The following STX8 variants were observed in gnomAD, a reference collection of about 807,000 sequenced individuals.
STX8 encodes the protein syntaxin-8.
A neutral mutation model predicts 37.5 loss-of-function variants in STX8; 23 were observed. The observed-to-expected ratio is 0.61, with a 90% CI of 0.44 to 0.87. The LOEUF (loss-of-function observed/expected upper bound fraction) is 0.87. Among genes scored for constraint, STX8 ranks in the 40% least tolerant of loss-of-function variants. STX8 has a pLI of 0.00. For missense variants in STX8, 313 were observed against 284.7 expected (o/e 1.10, Z -0.71); for synonymous variants, 115 against 99.1 (o/e 1.16, Z -0.95).
At chr17:9,327,220 GGAA>G (rs1414706843) in intron 7 of STX8, among the ~76,000 whole-genome samples, 2,002 of 149,162 alleles carry the variant, frequency 0.013, 32 homozygotes, top group African/African-American at 0.034. Context: ...GGAAGAAGGA[GGAA>G]GAAGGAGGAA....
chr17:9,459,594 C>T (rs1905291188), intron 6 of STX8, among the ~76,000 whole-genome samples: 1 of 152,194 alleles, frequency 6.6e-6, no homozygotes, highest in South Asian at 2.1e-4. Flanking sequence ...CGGCTCACTG[C>T]AAGCTCTGTC....
chr17:9,267,996 G>A (rs199694994), intron 7 of STX8, among the ~76,000 whole-genome samples: 4,123 of 118,670 alleles, frequency 0.035, no homozygotes, highest in Non-Finnish European at 0.039. Flanking sequence ...TGCCTAAAAA[G>A]AAAAAAAAAA....
chr17:9,348,834 C>T (rs1910612470), intron 7 of STX8, among the ~76,000 whole-genome samples: 1 of 152,194 alleles, frequency 6.6e-6, no homozygotes, highest in Non-Finnish European at 1.5e-5. Flanking sequence ...GGTTTGGCTT[C>T]CTACCTTCCT....
chr17:9,266,727 G>A (rs551704596), intron 7 of STX8, among the ~76,000 whole-genome samples: 131 of 152,242 alleles, frequency 8.6e-4, no homozygotes, highest in Non-Finnish European at 1.4e-3. Flanking sequence ...GGCCTCCAAG[G>A]TGACATGGAC....
At chr17:9,281,887 TTG>T (rs1907897616) in intron 7 of STX8, among the ~76,000 whole-genome samples, 1 of 152,058 alleles carries the variant, frequency 6.6e-6, no homozygotes, top group African/African-American at 2.4e-5. Context: ...TGAGCTGAGA[TTG>T]CACCACTGCA....
intron 7 of STX8, among the ~76,000 whole-genome samples, chr17:9,356,362 T>C (rs572152746): frequency 7.2e-5 from 11 of 152,302 alleles, no homozygotes; most frequent in African/African-American, 1.4e-4. Context: ...AAGAACCCAA[T>C]AATTCTGAAA....
chr17:9,417,733 G>A (rs1322103602), intron 6 of STX8, among the ~76,000 whole-genome samples: 1 of 152,118 alleles, frequency 6.6e-6, no homozygotes, highest in Non-Finnish European at 1.5e-5. Context: ...GAGACAAACT[G>A]GAGACTGATG....
chr17:9,302,285 T>C (rs192543117), intron 7 of STX8, among the ~76,000 whole-genome samples: 1 of 151,974 alleles, frequency 6.6e-6, no homozygotes, highest in African/African-American at 2.4e-5. Flanking sequence ...GGTGGTTTTG[T>C]TTTTTTTCTT....
chr17:9,289,380 C>G (rs1441792571), intron 7 of STX8, among the ~76,000 whole-genome samples: 1 of 152,088 alleles, frequency 6.6e-6, no homozygotes, highest in Non-Finnish European at 1.5e-5. Context: ...TTAAGAAGGC[C>G]TAGCAGAGGA....
chr17:9,483,299 G>A (rs951818576), intron 6 of STX8, among the ~76,000 whole-genome samples: 7 of 152,028 alleles, frequency 4.6e-5, no homozygotes, highest in East Asian at 3.9e-4. Flanking sequence ...AGTCAGCAGC[G>A]TAGCATCCTG....
At chr17:9,356,965 T>TG (rs1349745932) in intron 7 of STX8, among the ~76,000 whole-genome samples, 2 of 140,746 alleles carry the variant, frequency 1.4e-5, no homozygotes, top group East Asian at 4.1e-4. Flanking sequence ...TAACAGTTTT[T>TG]TTTTTTTTTT....
chr17:9,517,102 C>T (rs1010801233), intron 4 of STX8, among the ~76,000 whole-genome samples: 1 of 152,204 alleles, frequency 6.6e-6, no homozygotes, highest in African/African-American at 2.4e-5. Context: ...GTTGTCTCCT[C>T]AGAGAGGTTT....
At chr17:9,544,588 T>G (rs915280414) in intron 4 of STX8, among the ~76,000 whole-genome samples, 2 of 151,814 alleles carry the variant, frequency 1.3e-5, no homozygotes, top group African/African-American at 4.8e-5. Context: ...AGCAGAAAAC[T>G]CAACCAAAGA....
At chr17:9,349,613 C>T (rs1910640885) in intron 7 of STX8, among the ~76,000 whole-genome samples, 1 of 152,042 alleles carries the variant, frequency 6.6e-6, no homozygotes, top group South Asian at 2.1e-4. Flanking sequence ...TTAGCCACCA[C>T]GCCGGGCTGA....
chr17:9,488,326 T>TAA lies in STX8; in HGVS notation c.541+3501_541+3502dup, dbSNP rs370708789. Reference sequence around the variant, plus strand: ...GGGCAACAAGGGCGAAACTCTGTCTTAAAAAAAAAAAAATTACTGTGGTAG... The same window carrying TAA: ...GGGCAACAAGGGCGAAACTCTGTCTTAAAAAAAAAAAAAAATTACTGTGGTAG... On this transcript the variant is annotated intron_variant, in intron 6 of 7. Coordinates refer to ENST00000306357, the MANE Select transcript of STX8 (RefSeq NM_004853.3). Among the ~76,000 whole-genome samples, 419 of 149,046 alleles carry TAA rather than the reference T, an allele frequency of 2.8e-3. 1 individual carries two copies. Among genetic ancestry groups the TAA allele is most frequent in the Middle Eastern group, 3.5e-3 (1 of 288 alleles).
chr17:9,367,246 T>A (rs1372802253), intron 7 of STX8, among the ~76,000 whole-genome samples: 1 of 151,882 alleles, frequency 6.6e-6, no homozygotes, highest in Non-Finnish European at 1.5e-5. Flanking sequence ...GGTGCTCCTG[T>A]TACATGACCT....
At chr17:9,295,325 G>A (rs1024169059) in intron 7 of STX8, among the ~76,000 whole-genome samples, 2 of 152,108 alleles carry the variant, frequency 1.3e-5, no homozygotes, top group South Asian at 2.1e-4. Flanking sequence ...ATTAGACTCC[G>A]AGCCCCTTGA....
intron 7 of STX8, among the ~76,000 whole-genome samples, chr17:9,288,679 T>TA (rs1343144364): frequency 6.9e-6 from 1 of 143,934 alleles, no homozygotes; most frequent in African/African-American, 2.8e-5. Flanking sequence ...ATAAATAAAA[T>TA]AAATAAATAA....
intron 7 of STX8, among the ~76,000 whole-genome samples, chr17:9,340,419 T>C (rs1169991674): frequency 6.6e-6 from 1 of 152,244 alleles, no homozygotes; most frequent in East Asian, 1.9e-4. Flanking sequence ...TAAAGGCATC[T>C]GGCTATGTTA....
Sources: allele counts gnomAD v4.1 joint callset (sites outside exome capture counted in the v4.1 genomes callset), GRCh38; gene constraint gnomAD v4.1.1; transcripts MANE v1.5; gene names NCBI Gene and HGNC (gene_info 2026-07-23, HGNC 2026-07-21).